Variants in ADGRV1 observed in about 807,000 individuals in gnomAD.
ADGRV1 encodes G-protein coupled receptor 98.
A neutral mutation model predicts 596.2 loss-of-function variants in ADGRV1; 359 were observed. That is an observed-to-expected ratio of 0.60 (90% CI 0.55 to 0.66). The LOEUF (loss-of-function observed/expected upper bound fraction) is 0.66. Among genes scored for constraint, ADGRV1 ranks in the 30% least tolerant of loss-of-function variants. The probability of loss-of-function intolerance (pLI) is 0.00; values close to 1 mark genes in which losing one functional copy is unlikely to be tolerated. For synonymous variants in ADGRV1, 2,681 were observed against 2,679.2 expected, an observed-to-expected ratio of 1.00 and a Z score of -0.02; for missense variants, 7,274 against 7,575.6, an observed-to-expected ratio of 0.96 and a Z score of 1.48.
chr5:90,691,109 G>A, intron 31 of ADGRV1, 68 bp downstream of exon 31: 1 of 1,574,434 alleles, frequency 6.4e-7, no homozygotes, highest in Non-Finnish European at 8.7e-7. Flanking sequence ...TAGAACAGAT[G>A]GCCATTGTAA....
intron 1 of ADGRV1, among the ~76,000 whole-genome samples, chr5:90,560,373 C>T (rs1754657355): frequency 6.6e-6 from 1 of 152,092 alleles, no homozygotes; most frequent in South Asian, 2.1e-4. Context: ...TAATGAATGC[C>T]TGCTATGTAG....
chr5:90,652,977 C>T (rs1237647275), intron 19 of ADGRV1, among the ~76,000 whole-genome samples: 1 of 152,166 alleles, frequency 6.6e-6, no homozygotes, highest in African/African-American at 2.4e-5. Context: ...CTTTCTAATT[C>T]ATATACTCTT....
chr5:90,665,481 C>G (rs1344878927), intron 21 of ADGRV1, among the ~76,000 whole-genome samples: 33 of 151,834 alleles, frequency 2.2e-4, no homozygotes, highest in African/African-American at 7.5e-4. Flanking sequence ...ATTTTTTATT[C>G]CGTCTATTTG....
chr5:90,947,261 T>C (rs1024561093), intron 83 of ADGRV1, among the ~76,000 whole-genome samples: 2 of 152,224 alleles, frequency 1.3e-5, no homozygotes, highest in Non-Finnish European at 1.5e-5. Flanking sequence ...TTTCTTCATA[T>C]GTTTGTTGGC....
chr5:91,129,053 T>C (rs1039014223), intron 87 of ADGRV1, among the ~76,000 whole-genome samples: 5 of 152,230 alleles, frequency 3.3e-5, no homozygotes, highest in African/African-American at 1.2e-4. Flanking sequence ...CAATGCATAC[T>C]TGTGGGTGTT....
intron 44 of ADGRV1, 22 bp downstream of exon 44, chr5:90,720,245 A>G: frequency 7.0e-7 from 1 of 1,426,844 alleles, no homozygotes; most frequent in Non-Finnish European, 9.4e-7. Flanking sequence ...TCATAAGGAA[A>G]TTATCACTTC....
chr5:91,041,307 TA>T (rs1324388706), intron 85 of ADGRV1, among the ~76,000 whole-genome samples: 2 of 151,994 alleles, frequency 1.3e-5, no homozygotes, highest in African/African-American at 4.8e-5. Flanking sequence ...TATGCAGCCA[TA>T]AAAAAGGATG....
intron 85 of ADGRV1, among the ~76,000 whole-genome samples, chr5:91,014,453 C>T (rs1264610805): frequency 2.6e-5 from 4 of 152,052 alleles, no homozygotes; most frequent in South Asian, 4.2e-4. Context: ...AGAAATAGTA[C>T]CAGCTCTTCT....
intron 1 of ADGRV1, among the ~76,000 whole-genome samples, chr5:90,603,879 TGTGTGTACGTGCCTGCACACAC>T (rs1454872966): frequency 2.7e-4 from 35 of 128,862 alleles, no homozygotes; most frequent in African/African-American, 8.9e-4. Flanking sequence ...AGCGTGCATG[TGTGTGTACGTGCCTGCACACAC>T]GTGTGTGCAG....
chr5:90,961,658 C>A (rs1243781955), intron 83 of ADGRV1, among the ~76,000 whole-genome samples: 2 of 151,802 alleles, frequency 1.3e-5, no homozygotes, highest in Non-Finnish European at 2.9e-5. Flanking sequence ...GTTATTTAGC[C>A]CAAGCAAGCG....
At chr5:91,098,543 T>C (rs919903431) in intron 86 of ADGRV1, among the ~76,000 whole-genome samples, 5 of 152,242 alleles carry the variant, frequency 3.3e-5, no homozygotes, top group African/African-American at 1.2e-4. Flanking sequence ...TTCTTCTATC[T>C]GAAATCATCA....
At chr5:90,697,329 C>A (rs868799421) in intron 34 of ADGRV1, among the ~76,000 whole-genome samples, 183 bp downstream of exon 34, 2 of 152,048 alleles carry the variant, frequency 1.3e-5, no homozygotes, top group East Asian at 3.9e-4. Flanking sequence ...GATTTAGGAG[C>A]CTTGCAAACC....
chr5:90,642,172 G>C (rs1041505017), intron 11 of ADGRV1, among the ~76,000 whole-genome samples: 2 of 152,018 alleles, frequency 1.3e-5, no homozygotes, highest in African/African-American at 4.8e-5. Context: ...GCTATTATGT[G>C]CTCTATTCAG....
chr5:90,920,496 G>T (rs773154745), intron 83 of ADGRV1, among the ~76,000 whole-genome samples: 2 of 151,890 alleles, frequency 1.3e-5, no homozygotes, highest in Non-Finnish European at 2.9e-5. Flanking sequence ...TTACATTCAG[G>T]TGCCCACTAG....
At chr5:90,655,799 A>G (rs542572343) in intron 20 of ADGRV1, 1 of 152,356 alleles carries the variant, frequency 6.6e-6, no homozygotes, top group East Asian at 1.9e-4. Flanking sequence ...GAAAAATTGT[A>G]AAGTACACAT....
At chr5:90,663,587 C>T (rs2149498720) in intron 21 of ADGRV1, among the ~76,000 whole-genome samples, 1 of 152,204 alleles carries the variant, frequency 6.6e-6, no homozygotes, top group South Asian at 2.1e-4. Context: ...ATGGTAGTTT[C>T]TTTTGCTGTG....
At chr5:91,108,590 C>T (rs996823671) in intron 87 of ADGRV1, among the ~76,000 whole-genome samples, 1 of 151,410 alleles carries the variant, frequency 6.6e-6, no homozygotes, top group Non-Finnish European at 1.5e-5. Flanking sequence ...TGTCCTCTTT[C>T]TCTACAGTCT....
At chr5:91,080,380 G>A (rs1789235719) in intron 86 of ADGRV1, among the ~76,000 whole-genome samples, 1 of 151,924 alleles carries the variant, frequency 6.6e-6, no homozygotes, top group African/African-American at 2.4e-5. Flanking sequence ...CATTTACAGG[G>A]CTGCTCAGTT....
chr5:90,674,150 G>A lies in ADGRV1; in HGVS notation c.5026G>A (p.Gly1676Ser). The change falls in exon 23 of 90, where the codon GGC becomes AGC. Residue 1676 changes from glycine to serine, a missense_variant. Transcript: ENST00000405460. ...VSAIPGDGKL[G>S]STPTSGASID... ...TGCAATTCCTGGAGATGGGAAGCTA[G>A]GCTCAACTCCTACCAGTGGTGCAAG... The A allele has an allele frequency of 1.9e-6, 3 of 1,613,420 alleles. No homozygotes were observed. The highest frequency in any genetic ancestry group is 1.7e-6 in the Non-Finnish European group (2 of 1,179,560).
Sources: allele counts gnomAD v4.1 joint callset (sites outside exome capture counted in the v4.1 genomes callset), GRCh38; gene constraint gnomAD v4.1.1; transcripts MANE v1.5; gene names NCBI Gene and HGNC (gene_info 2026-07-23, HGNC 2026-07-21).